The following LRPPRC variants were observed in gnomAD, a reference collection of about 807,000 sequenced individuals.
The protein encoded by LRPPRC is leucine-rich PPR motif-containing protein, mitochondrial.
In LRPPRC, 120 loss-of-function variants were observed where a neutral mutation model predicts 180.3. The observed-to-expected ratio is 0.67, with a 90% CI of 0.57 to 0.77. The LOEUF is 0.77. LRPPRC is among the 30% of genes least tolerant of loss of function. The pLI is 0.00. For missense variants in LRPPRC, 2,012 were observed against 1,657.2 expected (o/e 1.21, Z -3.72); for synonymous variants, 723 against 600.0 (o/e 1.21, Z -3.00).
rs1299245446 is a variant in LRPPRC at position 43,909,556 on chromosome 2, GA to G, written c.3275+2875del. ...CAGCTAACAATACTGTATTTATACT[GA>G]AAATTGCTAAGAGGATAGATCATAA... is the stretch of plus-strand genomic sequence containing the variant. On this transcript the variant is annotated intron_variant, in intron 30 of 37. Coordinates refer to ENST00000260665, the MANE Select transcript of LRPPRC (RefSeq NM_133259.4). Among the ~76,000 whole-genome samples, 3 of 151,496 alleles carry G rather than the reference GA, an allele frequency of 2.0e-5. No individual in the cohort carries two copies. In the East Asian group the frequency reaches 5.8e-4, roughly 29 times the overall value.
Position 43,918,094 on chromosome 2 carries a change from AC to A in LRPPRC, c.3078del (p.Ser1027GlnfsTer14). On this transcript the variant is annotated frameshift_variant, in exon 29 of 38. Transcript: ENST00000260665. LOFTEE classifies it high-confidence loss of function. ...YEDEKHSLNS[S>X]SASTTEPDFQ... ...AAATCAGGTTCTGTGGTTGAGGCTG[AC>A]GAAGAATTCAGGGAATGTTTTTCAT... is the stretch of plus-strand genomic sequence containing the variant. 6.2e-7 allele frequency: 1 copy of A among 1,613,564 alleles called. No individual in the cohort carries two copies. Among genetic ancestry groups the A allele is most frequent in the Non-Finnish European group, 8.5e-7 (1 of 1,179,904 alleles).
chr2:43,939,267 A>G (rs1333306562), intron 23 of LRPPRC, among the ~76,000 whole-genome samples: 1 of 152,002 alleles, frequency 6.6e-6, no homozygotes, highest in Non-Finnish European at 1.5e-5. Context: ...GGAGACAGCA[A>G]GACTCCGTCT....
chr2:43,899,212 T>A lies in LRPPRC; in HGVS notation c.3825+7A>T, dbSNP rs1313925613. On this transcript the variant is annotated splice_region_variant and intron_variant, in intron 34 of 37. Coordinates refer to ENST00000260665, the MANE Select transcript of LRPPRC (RefSeq NM_133259.4). ...GCCCCACTGCTCCATGAGTGGAGGG[T>A]CATTACCTGTAGGAGAGCTCTGGCA... 1 of 1,601,300 alleles carries A rather than the reference T, an allele frequency of 6.2e-7. No individual in the cohort carries two copies. The highest frequency in any genetic ancestry group is 8.6e-7 in the Non-Finnish European group (1 of 1,168,522).
chr2:43,911,139 G>A (rs894120245), intron 30 of LRPPRC, among the ~76,000 whole-genome samples: 1 of 112,136 alleles, frequency 8.9e-6, no homozygotes, highest in African/African-American at 4.1e-5. Context: ...AGGGTATATC[G>A]AGTGTTCTAG....
At chr2:43,892,395 C>T (rs186516304) in intron 36 of LRPPRC, among the ~76,000 whole-genome samples, 2 of 152,204 alleles carry the variant, frequency 1.3e-5, no homozygotes, top group Admixed American at 6.5e-5. Flanking sequence ...TTAAGAATTA[C>T]GCTAAATTTA....
chr2:43,961,193 T>C (rs1176025405), intron 12 of LRPPRC, among the ~76,000 whole-genome samples: 1 of 152,080 alleles, frequency 6.6e-6, no homozygotes, highest in Non-Finnish European at 1.5e-5. Context: ...AAAATATATT[T>C]TGTGGAATTA....
At chr2:43,932,092 A>C (rs1672109296) in intron 25 of LRPPRC, among the ~76,000 whole-genome samples, 1 of 134,880 alleles carries the variant, frequency 7.4e-6, no homozygotes. Context: ...CCACTGTACT[A>C]CAGCCTGGCT....
intron 14 of LRPPRC, among the ~76,000 whole-genome samples, chr2:43,955,143 C>T (rs1352772581): frequency 6.6e-6 from 1 of 151,844 alleles, no homozygotes; most frequent in African/African-American, 2.4e-5. Context: ...CCATAGCTTC[C>T]AACAAATTCT....
chr2:43,916,182 C>CT (rs1394863426), intron 29 of LRPPRC, among the ~76,000 whole-genome samples: 1 of 152,124 alleles, frequency 6.6e-6, no homozygotes, highest in Non-Finnish European at 1.5e-5. Flanking sequence ...TGTTTATTTC[C>CT]TTAATGGTAA....
intron 29 of LRPPRC, among the ~76,000 whole-genome samples, chr2:43,916,947 G>GA: frequency 9.9e-6 from 1 of 100,922 alleles, no homozygotes; most frequent in Non-Finnish European, 1.9e-5. Context: ...CTGTCTCCGG[G>GA]GGGAAAAAAA....
chr2:43,969,116 A>G (rs1383832000), intron 11 of LRPPRC, among the ~76,000 whole-genome samples: 1 of 152,240 alleles, frequency 6.6e-6, no homozygotes, highest in African/African-American at 2.4e-5. Flanking sequence ...AACTTGAGTA[A>G]GAAACCAAGT....
intron 27 of LRPPRC, among the ~76,000 whole-genome samples, chr2:43,921,465 A>G (rs1277206232): frequency 6.6e-6 from 1 of 152,212 alleles, no homozygotes; most frequent in Non-Finnish European, 1.5e-5. Flanking sequence ...TAAGTAAAAC[A>G]AAAAGAAGCC....
intron 25 of LRPPRC, 131 bp downstream of exon 25, chr2:43,934,059 C>A: frequency 1.6e-6 from 1 of 644,570 alleles, no homozygotes; most frequent in South Asian, 1.9e-5. Context: ...TCCCCCTCCC[C>A]CAACATTACT....
rs374662567 is a variant in LRPPRC at position 43,961,957 on chromosome 2, T to C, written c.1489-1323A>G. On this transcript the variant is annotated intron_variant, in intron 12 of 37. Transcript: ENST00000260665. ...TAGCCTGGGCGACAGAGCAAGACTC[T>C]GCCTCAAAAAACAAAGAAAAAAAGC... Among the ~76,000 whole-genome samples, 4 of 152,268 alleles carry C rather than the reference T, an allele frequency of 2.6e-5. No homozygotes were observed. The East Asian group carries it at 7.7e-4, about 29-fold the overall frequency.
At chr2:43,945,454 T>A in intron 21 of LRPPRC, 37 bp from the exon 22 acceptor site, 1 of 1,162,112 alleles carries the variant, frequency 8.6e-7, no homozygotes, top group Non-Finnish European at 1.3e-6. Context: ...GTTTTAAAAG[T>A]CAATTAACTG....
intron 7 of LRPPRC, 87 bp from the exon 8 acceptor site, chr2:43,974,845 A>G: frequency 7.3e-7 from 1 of 1,375,154 alleles, no homozygotes; most frequent in Non-Finnish European, 1.0e-6. Flanking sequence ...GATTCAAAAA[A>G]CTAGGGAAAA....
At chr2:43,973,991 T>C in intron 9 of LRPPRC, 91 bp from the exon 10 acceptor site, 2 of 1,115,278 alleles carry the variant, frequency 1.8e-6, no homozygotes. Flanking sequence ...GAGATGAGCA[T>C]TTTAAACCCC....
At chr2:43,994,441 AC>A (rs1250679233) in intron 1 of LRPPRC, among the ~76,000 whole-genome samples, 1 of 152,224 alleles carries the variant, frequency 6.6e-6, no homozygotes, top group Non-Finnish European at 1.5e-5. Context: ...CAGGCCCTAT[AC>A]TAAGTGCTTA....
chr2:43,938,262 A>T (rs2105066965), intron 23 of LRPPRC, among the ~76,000 whole-genome samples: 1 of 152,272 alleles, frequency 6.6e-6, no homozygotes, highest in African/African-American at 2.4e-5. Flanking sequence ...TACGTACACT[A>T]ATAAAAAGTA....
Sources: allele counts gnomAD v4.1 joint callset (sites outside exome capture counted in the v4.1 genomes callset), GRCh38; gene constraint gnomAD v4.1.1; transcripts MANE v1.5; gene names NCBI Gene and HGNC (gene_info 2026-07-23, HGNC 2026-07-21).